Variants in KLF12 observed in about 807,000 individuals in gnomAD.
KLF12 encodes the protein KLF transcription factor 12.
In KLF12, 9 loss-of-function variants were observed where a neutral mutation model predicts 37.8. The ratio of observed to expected loss-of-function variants is 0.24; its 90% CI spans 0.14 to 0.42. KLF12 has a LOEUF of 0.42. Ranked by LOEUF, KLF12 falls within the 10% of genes least tolerant of loss-of-function variation. The pLI is 1.00. For missense variants in KLF12, 411 were observed against 516.0 expected (o/e 0.80, Z 1.97); for synonymous variants, 208 against 202.1 (o/e 1.03, Z -0.25).
intron 1 of KLF12, among the ~76,000 whole-genome samples, chr13:74,102,133 G>A (rs570860090): frequency 3.3e-5 from 5 of 151,368 alleles, no homozygotes; most frequent in South Asian, 2.1e-4. Flanking sequence ...CAGGAGAATC[G>A]CTTGAACCCA....
intron 2 of KLF12, among the ~76,000 whole-genome samples, chr13:73,985,844 C>A (rs1237232508): frequency 5.3e-5 from 8 of 152,144 alleles, no homozygotes; most frequent in Non-Finnish European, 1.2e-4. Context: ...CAAAAAAATT[C>A]CCCCAGAAAA....
intron 2 of KLF12, among the ~76,000 whole-genome samples, chr13:73,953,144 A>T (rs1046284735): frequency 3.9e-5 from 6 of 152,194 alleles, no homozygotes; most frequent in African/African-American, 1.4e-4. Context: ...GACCTACTAC[A>T]TTCTGGGATA....
chr13:73,856,798 C>T (rs1051011324), intron 3 of KLF12, among the ~76,000 whole-genome samples: 5 of 150,150 alleles, frequency 3.3e-5, no homozygotes, highest in Non-Finnish European at 7.5e-5. Flanking sequence ...AGACCAGCCT[C>T]GTCAACATGG....
At chr13:74,068,326 G>C (rs998629528) in intron 1 of KLF12, among the ~76,000 whole-genome samples, 2 of 152,112 alleles carry the variant, frequency 1.3e-5, no homozygotes, top group Non-Finnish European at 2.9e-5. Context: ...GAATAAGGAA[G>C]CTATCCTAAT....
At chr13:73,942,297 G>A (rs1466907788) in intron 3 of KLF12, among the ~76,000 whole-genome samples, 1 of 152,144 alleles carries the variant, frequency 6.6e-6, no homozygotes, top group African/African-American at 2.4e-5. Context: ...GTTATTTCAA[G>A]TTGAAGAAAT....
chr13:73,837,229 G>A (rs1884481596), intron 4 of KLF12, among the ~76,000 whole-genome samples: 1 of 152,174 alleles, frequency 6.6e-6, no homozygotes. Context: ...TCTATGAGGA[G>A]CTTAGAGTTT....
At chr13:73,998,415 G>C (rs1892178059) in intron 1 of KLF12, among the ~76,000 whole-genome samples, 1 of 152,026 alleles carries the variant, frequency 6.6e-6, no homozygotes, top group Non-Finnish European at 1.5e-5. Context: ...AACTAGCCAG[G>C]GATTCCACTC....
intron 6 of KLF12, among the ~76,000 whole-genome samples, chr13:73,748,737 G>A (rs1694857963): frequency 6.6e-6 from 1 of 152,112 alleles, no homozygotes; most frequent in Admixed American, 6.6e-5. Flanking sequence ...GTGGAGCTCT[G>A]GGAGATATAT....
chr13:73,738,229 C>A (rs1023224295), intron 6 of KLF12, among the ~76,000 whole-genome samples: 3 of 151,184 alleles, frequency 2.0e-5, no homozygotes, highest in African/African-American at 4.9e-5. Flanking sequence ...ACTGCAACCT[C>A]CACCTCCAGG....
chr13:73,758,759 T>C (rs542995450), intron 6 of KLF12, among the ~76,000 whole-genome samples: 2 of 152,324 alleles, frequency 1.3e-5, no homozygotes, highest in South Asian at 2.1e-4. Context: ...TTTAATTTTT[T>C]TCCCTTATAT....
intron 1 of KLF12, among the ~76,000 whole-genome samples, chr13:74,024,976 C>A (rs925213412): frequency 2.6e-5 from 4 of 152,098 alleles, no homozygotes; most frequent in African/African-American, 9.7e-5. Flanking sequence ...ATGGAATCTC[C>A]CTTTATAACC....
At chr13:74,280,364 C>T in the KLF12 span, among the ~76,000 whole-genome samples, 1 of 152,174 alleles carries the variant, frequency 6.6e-6, no homozygotes, top group African/African-American at 2.4e-5. Context: ...CCTGAAACCA[C>T]TGGAAACAGG....
chr13:74,124,419 T>C (rs1399158870), intron 1 of KLF12, among the ~76,000 whole-genome samples: 1 of 152,248 alleles, frequency 6.6e-6, no homozygotes, highest in Non-Finnish European at 1.5e-5. Flanking sequence ...TGTATTCCTC[T>C]TAATATTTAA....
At chr13:74,249,473 T>C in the KLF12 span, among the ~76,000 whole-genome samples, 2 of 151,864 alleles carry the variant, frequency 1.3e-5, no homozygotes, top group Non-Finnish European at 2.9e-5. Flanking sequence ...GATCATGAGT[T>C]TGGATCACAA....
At chr13:74,270,373 G>C in the KLF12 span, among the ~76,000 whole-genome samples, 4 of 152,144 alleles carry the variant, frequency 2.6e-5, no homozygotes, top group African/African-American at 9.7e-5. Context: ...GAGGTAAAAG[G>C]AGCTGGAGAT....
chr13:73,815,248 A>G (rs538320127), intron 4 of KLF12, among the ~76,000 whole-genome samples: 97 of 152,332 alleles, frequency 6.4e-4, no homozygotes, highest in African/African-American at 2.1e-3. Context: ...AACCAGTTCC[A>G]TCACTATCTG....
intron 6 of KLF12, among the ~76,000 whole-genome samples, chr13:73,728,380 A>G (rs1876821214): frequency 6.6e-6 from 1 of 152,232 alleles, no homozygotes; most frequent in East Asian, 1.9e-4. Context: ...GATTTCCTAT[A>G]TACAAGATCA....
intron 4 of KLF12, among the ~76,000 whole-genome samples, chr13:73,844,355 A>G (rs1258968040): frequency 2.0e-5 from 3 of 152,358 alleles, no homozygotes; most frequent in South Asian, 4.1e-4. Context: ...AATATCAAAG[A>G]GGGTTTGGCT....
chr13:73,794,228 A>G lies in KLF12; in HGVS notation c.806+18924T>C, dbSNP rs574596064. 3.3e-5 allele frequency among the ~76,000 whole-genome samples: 5 copies of G among 152,338 alleles called. No individual in the cohort carries two copies. The East Asian group carries it at 9.7e-4, about 29-fold the overall frequency. On this transcript the variant is annotated intron_variant, in intron 5 of 7. Coordinates refer to ENST00000377669, the MANE Select transcript of KLF12 (RefSeq NM_007249.5). ...GTAATCCCGGCACTTTGGGAGGCCGAGGCAGGCGGATCATCTGAGGTCGGG... is the reference window on the plus strand; with the variant it reads ...GTAATCCCGGCACTTTGGGAGGCCGGGGCAGGCGGATCATCTGAGGTCGGG...
Sources: gnomAD v4.1 joint callset for allele counts (sites outside exome capture counted in the v4.1 genomes callset) on GRCh38, gnomAD v4.1.1 for gene constraint, MANE v1.5 for transcripts, NCBI Gene and HGNC (gene_info 2026-07-23, HGNC 2026-07-21) for gene names.